REV1: variants seen among roughly 807,000 people sequenced by gnomAD.
The protein encoded by REV1 is translesion synthesis protein REV1.
Under a neutral mutation model 137.4 loss-of-function variants are expected in REV1, and 42 were observed. The ratio of observed to expected loss-of-function variants is 0.31; its 90% confidence interval spans 0.24 to 0.40. The LOEUF is 0.40. Ranked by LOEUF, REV1 falls within the 10% of genes least tolerant of loss-of-function variation. The pLI is 1.00. For missense variants in REV1, 1,282 were observed against 1,490.1 expected (o/e 0.86, Z 2.30); for synonymous variants, 524 against 519.2 (o/e 1.01, Z -0.12).
At chr2:99,429,472 A>T (rs780449296) in intron 9 of REV1, among the ~76,000 whole-genome samples, 14 of 152,234 alleles carry the variant, frequency 9.2e-5, no homozygotes, top group Non-Finnish European at 1.5e-4. Context: ...TATGGATTAC[A>T]AGATTTTTTC....
At chr2:99,472,960 C>G (rs1441762462) in intron 1 of REV1, among the ~76,000 whole-genome samples, 1 of 152,126 alleles carries the variant, frequency 6.6e-6, no homozygotes, top group Admixed American at 6.6e-5. Context: ...CCATCATTGT[C>G]TACGGCTACA....
chr2:99,466,585 A>T (rs1176707121), intron 1 of REV1, among the ~76,000 whole-genome samples: 1 of 152,168 alleles, frequency 6.6e-6, no homozygotes, highest in African/African-American at 2.4e-5. Context: ...AGTATACTGC[A>T]GGATTTGGTT....
chr2:99,486,365 T>G (rs1382708622), intron 1 of REV1, among the ~76,000 whole-genome samples: 2 of 151,814 alleles, frequency 1.3e-5, no homozygotes, highest in Non-Finnish European at 2.9e-5. Context: ...CCGTCTCTAC[T>G]AAAAATACAA....
intron 4 of REV1, among the ~76,000 whole-genome samples, chr2:99,444,922 A>T (rs951383729): frequency 6.6e-6 from 1 of 152,206 alleles, no homozygotes; most frequent in African/African-American, 2.4e-5. Context: ...AGAGGATAAT[A>T]AAAAAATCCA....
intron 1 of REV1, among the ~76,000 whole-genome samples, chr2:99,465,956 T>C (rs1314424691): frequency 1.3e-5 from 2 of 152,194 alleles, no homozygotes; most frequent in Non-Finnish European, 2.9e-5. Context: ...TTATTATTTT[T>C]TTTGAGACGG....
chr2:99,457,444 G>A (rs1683648400), intron 3 of REV1, among the ~76,000 whole-genome samples: 1 of 152,154 alleles, frequency 6.6e-6, no homozygotes, highest in South Asian at 2.1e-4. Context: ...CACTCTGGGA[G>A]GCCGAGGCAG....
intron 1 of REV1, among the ~76,000 whole-genome samples, chr2:99,474,316 G>C: frequency 6.6e-6 from 1 of 152,146 alleles, no homozygotes; most frequent in Non-Finnish European, 1.5e-5. Context: ...AAGCTAAAAA[G>C]TTCTGTAAGG....
At chr2:99,469,992 T>G (rs1018306735) in intron 1 of REV1, among the ~76,000 whole-genome samples, 1 of 151,918 alleles carries the variant, frequency 6.6e-6, no homozygotes, top group African/African-American at 2.4e-5. Flanking sequence ...ATGGTGGCGG[T>G]CACCTGTAGT....
chr2:99,440,836 A>G (rs1441290588), intron 5 of REV1, among the ~76,000 whole-genome samples: 1 of 152,218 alleles, frequency 6.6e-6, no homozygotes, highest in Non-Finnish European at 1.5e-5. Context: ...CTTTACATGC[A>G]TTATAGCAAC....
At chr2:99,421,455 T>A (rs1210809888) in intron 11 of REV1, 44 bp downstream of exon 11, 1 of 1,547,730 alleles carries the variant, frequency 6.5e-7, no homozygotes, top group Admixed American at 2.0e-5. Flanking sequence ...TATTCAAGAA[T>A]CTCAAAGCAA....
rs143340178 is a variant in REV1 at position 99,403,270 on chromosome 2, A to G, written c.3167-164T>C. 897 of 625,690 alleles carry G rather than the reference A, an allele frequency of 1.4e-3. 1 individual carries two copies. Among genetic ancestry groups the G allele is most frequent in the Non-Finnish European group, 2.2e-3 (792 of 364,798 alleles). 38.8% of individuals were successfully genotyped at this position (625,690 alleles called of 1,614,324 possible). A position where few individuals can be genotyped will look rare whatever the true frequency, so the allele number is the denominator to read the frequency against. On this transcript the variant is annotated intron_variant, in intron 19 of 22. Transcript: ENST00000258428. ...AGTGAATGGCAATGGCCCAAAGTAC[A>G]GGCTCTCCAATTCTCTCTTTGCTTT...
In REV1 at chr2:99,402,640, C is replaced by G; in HGVS notation, c.3541+4G>C. ...TTGGGCCATCTAACACAGGCCAAGCCAACCTGAAATTGTAGTTATCCATTC... is the reference window on the plus strand; with the variant it reads ...TTGGGCCATCTAACACAGGCCAAGCGAACCTGAAATTGTAGTTATCCATTC... On this transcript the variant is annotated splice_donor_region_variant and intron_variant, in intron 21 of 22. Transcript: ENST00000258428. 1 of 1,612,978 alleles carries G rather than the reference C, an allele frequency of 6.2e-7. No individual in the cohort carries two copies. Among genetic ancestry groups the G allele is most frequent in the East Asian group, 2.2e-5 (1 of 44,858 alleles).
Position 99,410,807 on chromosome 2 carries a change from C to A in REV1, c.2233G>T (p.Ala745Ser). ...LSEEIQRRLE[A>S]TGMKGKRLTL... is the part of the protein sequence containing the mutation. The stretch of plus-strand genomic sequence containing the variant: ...AGACGTTTACCCTTCATGCCAGTGG[C>A]TTCTAGTCTTCTTTGAATTTCTTCT... Residue 745 changes from alanine (A) to serine (S), a missense_variant, in exon 14 of 23, where the codon GCC becomes TCC. Coordinates refer to ENST00000258428, the MANE Select transcript of REV1 (RefSeq NM_016316.4). 1 of 1,606,846 alleles carries A rather than the reference C, an allele frequency of 6.2e-7. No individual in the cohort carries two copies. The highest frequency in any genetic ancestry group is 1.7e-5 in the Admixed American group (1 of 58,108).
chr2:99,421,872 G>T (rs752243849), intron 10 of REV1, among the ~76,000 whole-genome samples: 19 of 152,060 alleles, frequency 1.2e-4, no homozygotes, highest in Admixed American at 2.0e-4. Context: ...CAGCATATTG[G>T]ATAGGAAAAT....
At chr2:99,434,840 A>C (rs1296429076) in intron 7 of REV1, among the ~76,000 whole-genome samples, 2 of 102,036 alleles carry the variant, frequency 2.0e-5, no homozygotes, top group Non-Finnish European at 3.9e-5. Flanking sequence ...ATCTATACTT[A>C]TCTCTCAATT....
chr2:99,489,548 G>C (rs1687473817), intron 1 of REV1, among the ~76,000 whole-genome samples: 2 of 148,504 alleles, frequency 1.3e-5, no homozygotes, highest in African/African-American at 2.4e-5. Flanking sequence ...CGGCGGCGCG[G>C]GGCCGGCCGC....
At chr2:99,447,975 C>T (rs946433284) in intron 4 of REV1, among the ~76,000 whole-genome samples, 1 of 152,156 alleles carries the variant, frequency 6.6e-6, no homozygotes, top group Non-Finnish European at 1.5e-5. Context: ...GGATTACAGG[C>T]ATGAGCCACC....
chr2:99,463,087 C>CA (rs897421789), intron 2 of REV1, among the ~76,000 whole-genome samples: 2 of 149,298 alleles, frequency 1.3e-5, no homozygotes, highest in South Asian at 2.1e-4. Context: ...GACTCCATCT[C>CA]AAAAAAAAAT....
At chr2:99,459,886 G>A (rs186692049) in intron 3 of REV1, among the ~76,000 whole-genome samples, 202 of 152,242 alleles carry the variant, frequency 1.3e-3, no homozygotes, top group African/African-American at 4.5e-3. Context: ...TAGGGACTAC[G>A]AAATCATGAG....
Sources: gnomAD v4.1 joint callset for allele counts (sites outside exome capture counted in the v4.1 genomes callset) on GRCh38, gnomAD v4.1.1 for gene constraint, MANE v1.5 for transcripts, NCBI Gene and HGNC (gene_info 2026-07-23, HGNC 2026-07-21) for gene names.